The following RAPGEF5 variants were observed in gnomAD, a reference collection of about 807,000 sequenced individuals.
RAPGEF5 encodes Rap guanine nucleotide exchange factor 5.
A neutral mutation model predicts 125.2 loss-of-function variants in RAPGEF5; 65 were observed. The ratio of observed to expected loss-of-function variants is 0.52; its 90% CI spans 0.43 to 0.64. RAPGEF5 has a LOEUF of 0.64. RAPGEF5 is among the 30% of genes least tolerant of loss of function. RAPGEF5 has a pLI of 0.00. For missense variants in RAPGEF5, 958 were observed against 1,048.1 expected (o/e 0.91, Z 1.19); for synonymous variants, 391 against 385.9 (o/e 1.01, Z -0.16).
At position 22,209,234 on chromosome 7, in the gene RAPGEF5, A is replaced by G. The variant is rs145388236; in HGVS notation, c.996+10632T>C. ...TCAAGTATATTCCTGAAAGACAATCAGAATAAAATTGGCTCTCTCTTTTGT... is the reference window on the plus strand; with the variant it reads ...TCAAGTATATTCCTGAAAGACAATCGGAATAAAATTGGCTCTCTCTTTTGT... On this transcript the variant is annotated intron_variant, in intron 9 of 25. Transcript: ENST00000665637. 2.6e-4 allele frequency among the ~76,000 whole-genome samples: 39 copies of G among 152,362 alleles called. 1 individual carries two copies. The East Asian group carries it at 6.7e-3, about 26-fold the overall frequency.
intron 5 of RAPGEF5, among the ~76,000 whole-genome samples, chr7:22,299,782 C>T (rs1416724016): frequency 1.3e-5 from 2 of 151,750 alleles, no homozygotes; most frequent in Non-Finnish European, 2.9e-5. Flanking sequence ...CCCCCCTCCA[C>T]CCTCCCCCAC....
chr7:22,158,315 C>A (rs982235804), intron 14 of RAPGEF5, among the ~76,000 whole-genome samples: 1 of 152,202 alleles, frequency 6.6e-6, no homozygotes, highest in Non-Finnish European at 1.5e-5. Flanking sequence ...CAAGGCACAT[C>A]TTCTCCAGGA....
intron 11 of RAPGEF5, among the ~76,000 whole-genome samples, chr7:22,181,502 T>G (rs75634353): frequency 0.071 from 10,841 of 152,134 alleles, 449 homozygotes; most frequent in Middle Eastern, 0.13. Flanking sequence ...GTCAGAAGAT[T>G]CACCAAATAT....
intron 7 of RAPGEF5, among the ~76,000 whole-genome samples, chr7:22,252,082 G>T (rs1467261465): frequency 6.6e-6 from 1 of 152,104 alleles, no homozygotes; most frequent in Non-Finnish European, 1.5e-5. Flanking sequence ...TAGAAAACTT[G>T]ATTCTCTCTT....
intron 24 of RAPGEF5, among the ~76,000 whole-genome samples, chr7:22,127,014 C>T (rs1466056975): frequency 6.7e-6 from 1 of 148,872 alleles, no homozygotes; most frequent in East Asian, 2.0e-4. Flanking sequence ...CCTTGAAGTC[C>T]TCACTGATTC....
intron 7 of RAPGEF5, among the ~76,000 whole-genome samples, chr7:22,234,761 G>A (rs1049846739): frequency 6.6e-6 from 1 of 152,190 alleles, no homozygotes; most frequent in Non-Finnish European, 1.5e-5. Flanking sequence ...CTTTCTTGTT[G>A]CCTTGGGGAC....
intron 11 of RAPGEF5, among the ~76,000 whole-genome samples, chr7:22,169,826 C>T (rs1294233805): frequency 8.2e-6 from 1 of 122,104 alleles, no homozygotes; most frequent in East Asian, 2.7e-4. Context: ...TGTCACTGCC[C>T]TCTAGCCTGT....
chr7:22,340,591 C>G (rs1159133343), intron 1 of RAPGEF5, among the ~76,000 whole-genome samples: 1 of 152,226 alleles, frequency 6.6e-6, no homozygotes, highest in Non-Finnish European at 1.5e-5. Flanking sequence ...AGGGTCTGAG[C>G]CTGGAAAAGG....
At chr7:22,238,599 C>T (rs1257744762) in intron 7 of RAPGEF5, among the ~76,000 whole-genome samples, 1 of 152,316 alleles carries the variant, frequency 6.6e-6, no homozygotes, top group East Asian at 1.9e-4. Flanking sequence ...TCAGTCATTA[C>T]ACAAGCTCAA....
Position 22,197,603 on chromosome 7 carries a change from G to T in RAPGEF5, c.997-3570C>A, listed in dbSNP as rs62445371. ...GCCCCCTGGTCTTCAGTTTGATCTTGTTGGCCCTTCTGTGTGACTTCACAG... is the reference window on the plus strand; with the variant it reads ...GCCCCCTGGTCTTCAGTTTGATCTTTTTGGCCCTTCTGTGTGACTTCACAG... On this transcript the variant is annotated intron_variant, in intron 9 of 25. Transcript: ENST00000665637. 6.7e-3 allele frequency among the ~76,000 whole-genome samples: 1,026 copies of T among 152,226 alleles called. 6 individuals carry two copies. Among genetic ancestry groups the T allele is most frequent in the Middle Eastern group, 0.031 (9 of 294 alleles).
At chr7:22,177,770 T>C (rs1048910434) in intron 11 of RAPGEF5, among the ~76,000 whole-genome samples, 1 of 152,214 alleles carries the variant, frequency 6.6e-6, no homozygotes, top group Non-Finnish European at 1.5e-5. Flanking sequence ...AGCAAGATGA[T>C]GTCTGAAGGG....
chr7:22,123,583 A>G lies in RAPGEF5; in HGVS notation c.2537-1062T>C, dbSNP rs1782648376. 2.6e-5 allele frequency among the ~76,000 whole-genome samples: 4 copies of G among 152,066 alleles called. No homozygotes were observed. In the South Asian group the frequency reaches 8.3e-4, roughly 32 times the overall value. Reference sequence around the variant, plus strand: ...ACCCCCTTTTTTCTCCTCTATAACAAATGTATTTTATGAGGAAATAATTTA... The same window carrying G: ...ACCCCCTTTTTTCTCCTCTATAACAGATGTATTTTATGAGGAAATAATTTA... On this transcript the variant is annotated intron_variant, in intron 25 of 25. Transcript: ENST00000665637.
intron 19 of RAPGEF5, among the ~76,000 whole-genome samples, chr7:22,145,967 C>CGTGTGTGT (rs71864981): frequency 9.4e-4 from 135 of 143,970 alleles, no homozygotes; most frequent in African/African-American, 3.1e-3. Context: ...TGTTTGTGTG[C>CGTGTGTGT]GTGTGTGTGT....
At chr7:22,182,175 T>A (rs1784694275) in intron 11 of RAPGEF5, among the ~76,000 whole-genome samples, 1 of 152,196 alleles carries the variant, frequency 6.6e-6, no homozygotes, top group African/African-American at 2.4e-5. Context: ...GAAGATGTCA[T>A]AAACATTTTA....
chr7:22,318,509 T>A (rs1324651982), intron 1 of RAPGEF5, among the ~76,000 whole-genome samples: 1 of 152,180 alleles, frequency 6.6e-6, no homozygotes, highest in African/African-American at 2.4e-5. Context: ...CTTTGACTTA[T>A]AGAGGATCCC....
intron 1 of RAPGEF5, among the ~76,000 whole-genome samples, chr7:22,353,741 AAAG>A (rs1475851242): frequency 6.6e-6 from 1 of 152,328 alleles, no homozygotes; most frequent in African/African-American, 2.4e-5. Context: ...CATTTGTCTT[AAAG>A]AAGTGCAAAG....
chr7:22,126,568 G>T (rs571695081), intron 24 of RAPGEF5, among the ~76,000 whole-genome samples: 2 of 152,284 alleles, frequency 1.3e-5, no homozygotes, highest in South Asian at 4.1e-4. Flanking sequence ...ATTGTAACTG[G>T]AAATGAGATA....
At chr7:22,318,081 C>G in intron 1 of RAPGEF5, 44 bp from the exon 2 acceptor site, 2 of 1,485,666 alleles carry the variant, frequency 1.3e-6, no homozygotes, top group Non-Finnish European at 8.9e-7. Flanking sequence ...ACCAAATAAA[C>G]TTTTGTACCA....
At chr7:22,210,214 A>G (rs556331675) in intron 9 of RAPGEF5, among the ~76,000 whole-genome samples, 47 of 152,376 alleles carry the variant, frequency 3.1e-4, no homozygotes, top group African/African-American at 1.1e-3. Context: ...TGTAATAACA[A>G]TAAGTTGACT....
Sources: allele counts gnomAD v4.1 joint callset (sites outside exome capture counted in the v4.1 genomes callset), GRCh38; gene constraint gnomAD v4.1.1; transcripts MANE v1.5; gene names NCBI Gene and HGNC (gene_info 2026-07-23, HGNC 2026-07-21).